Variants in MAD1L1 observed in about 807,000 individuals in gnomAD.
MAD1L1 encodes mitotic arrest deficient 1 like 1, also known as mitotic spindle assembly checkpoint protein MAD1.
A neutral mutation model predicts 96.9 loss-of-function variants in MAD1L1; 95 were observed. That is an observed-to-expected ratio of 0.98 (90% CI 0.83 to 1.16). The LOEUF (loss-of-function observed/expected upper bound fraction) is 1.16, where lower values mean the gene tolerates loss of function less well. Among genes scored for constraint, MAD1L1 ranks in the 50% most tolerant of loss-of-function variants. The pLI is 0.00. For synonymous variants in MAD1L1, 473 were observed against 396.6 expected, an observed-to-expected ratio of 1.19 and a Z score of -2.29; for missense variants, 1,007 against 954.4, an observed-to-expected ratio of 1.06 and a Z score of -0.73.
intron 17 of MAD1L1, among the ~76,000 whole-genome samples, chr7:1,905,926 T>G (rs964466685): frequency 6.6e-6 from 1 of 151,914 alleles, no homozygotes; most frequent in Non-Finnish European, 1.5e-5. Flanking sequence ...GGCGCACATC[T>G]GTAATCCCAG....
At chr7:2,060,171 G>A (rs923849928) in intron 12 of MAD1L1, among the ~76,000 whole-genome samples, 5 of 145,464 alleles carry the variant, frequency 3.4e-5, no homozygotes, top group African/African-American at 5.4e-5. Context: ...GCCGAGATAC[G>A]CCGATGCCGA....
rs181738642 is a variant in MAD1L1 at position 2,091,703 on chromosome 7, G to A, written c.1074-22365C>T. 4.0e-5 allele frequency among the ~76,000 whole-genome samples: 6 copies of A among 151,888 alleles called. No individual in the cohort carries two copies. In the East Asian group the frequency reaches 9.7e-4, roughly 25 times the overall value. ...AGGCAGAAGAATGGCGTGAACCCAG[G>A]AGGCGGAGCTTGCAGTGAGCAGAGA... On this transcript the variant is annotated intron_variant, in intron 11 of 18. Transcript: ENST00000265854.
chr7:1,822,063 G>A (rs561727373), intron 18 of MAD1L1, among the ~76,000 whole-genome samples: 3 of 152,260 alleles, frequency 2.0e-5, no homozygotes, highest in South Asian at 2.1e-4. Flanking sequence ...GACGGCCCAC[G>A]TGGAAAATCC....
chr7:1,973,874 C>A (rs1780513554), intron 15 of MAD1L1, among the ~76,000 whole-genome samples: 1 of 152,212 alleles, frequency 6.6e-6, no homozygotes, highest in Non-Finnish European at 1.5e-5. Context: ...ACCAAGGTCC[C>A]TGCCATCAGC....
chr7:1,877,508 C>T (rs138324521), intron 18 of MAD1L1, among the ~76,000 whole-genome samples: 22,504 of 150,786 alleles, frequency 0.15, 2,118 homozygotes, highest in South Asian at 0.28. Flanking sequence ...AAAGAATATA[C>T]GAGACAAAAA....
intron 10 of MAD1L1, among the ~76,000 whole-genome samples, chr7:2,165,766 G>A (rs1435492014): frequency 6.6e-6 from 1 of 152,186 alleles, no homozygotes; most frequent in Admixed American, 6.5e-5. Flanking sequence ...TGACGGGCAA[G>A]GTGGCTGGAG....
intron 10 of MAD1L1, among the ~76,000 whole-genome samples, chr7:2,168,020 C>A (rs1790521257): frequency 6.6e-6 from 1 of 151,532 alleles, no homozygotes; most frequent in African/African-American, 2.4e-5. Flanking sequence ...CATGGTGGCT[C>A]ACGCCTGTAA....
intron 17 of MAD1L1, among the ~76,000 whole-genome samples, chr7:1,914,795 T>TTATTA (rs1460229378): frequency 2.9e-4 from 11 of 37,954 alleles, no homozygotes; most frequent in South Asian, 8.6e-4. Flanking sequence ...TATTATTATT[T>TTATTA]TTATAAATAG....
intron 10 of MAD1L1, among the ~76,000 whole-genome samples, chr7:2,178,695 G>A (rs959755137): frequency 6.6e-6 from 1 of 152,148 alleles, no homozygotes; most frequent in African/African-American, 2.4e-5. Context: ...TCAGAAGTTC[G>A]AGACAAGCCT....
At chr7:1,910,268 C>T (rs938899162) in intron 17 of MAD1L1, among the ~76,000 whole-genome samples, 1 of 152,176 alleles carries the variant, frequency 6.6e-6, no homozygotes, top group African/African-American at 2.4e-5. Flanking sequence ...GGGACATTGG[C>T]CCCCGTGTCA....
intron 8 of MAD1L1, 62 bp downstream of exon 8, chr7:2,216,095 G>A (rs1432599270): frequency 6.8e-6 from 11 of 1,607,494 alleles, no homozygotes; most frequent in Admixed American, 5.0e-5. Context: ...TGCACAGTGG[G>A]CTCCATGTGC....
At chr7:2,212,231 A>C (rs1352913254) in intron 10 of MAD1L1, among the ~76,000 whole-genome samples, 1 of 152,216 alleles carries the variant, frequency 6.6e-6, no homozygotes, top group East Asian at 1.9e-4. Flanking sequence ...CTACCTGTCT[A>C]TAAGAATACC....
chr7:1,946,408 G>A (rs1026853992), intron 16 of MAD1L1, among the ~76,000 whole-genome samples: 8 of 152,234 alleles, frequency 5.3e-5, no homozygotes, highest in South Asian at 4.1e-4. Flanking sequence ...TGCTGGAATC[G>A]GCTGTTAGCT....
At chr7:1,854,305 G>C in intron 18 of MAD1L1, 2 of 448,082 alleles carry the variant, frequency 4.5e-6, no homozygotes, top group Non-Finnish European at 9.0e-6. Context: ...CCCCAGCAGC[G>C]AGCGGACGTC....
intron 14 of MAD1L1, among the ~76,000 whole-genome samples, chr7:1,983,972 A>G (rs1242229033): frequency 2.0e-5 from 3 of 152,164 alleles, no homozygotes; most frequent in African/African-American, 7.2e-5. Context: ...TTGTTTCACT[A>G]AGGTTTACTT....
intron 18 of MAD1L1, among the ~76,000 whole-genome samples, chr7:1,840,666 T>TTGCA (rs1181081122): frequency 2.6e-5 from 4 of 152,208 alleles, no homozygotes; most frequent in African/African-American, 9.6e-5. Context: ...GAGGCAGAGG[T>TTGCA]TGCAGTGAGC....
At chr7:2,076,255 A>G (rs1785368833) in intron 11 of MAD1L1, among the ~76,000 whole-genome samples, 1 of 152,238 alleles carries the variant, frequency 6.6e-6, no homozygotes, top group African/African-American at 2.4e-5. Flanking sequence ...GTGAAAACCC[A>G]GATCCCCAAT....
At chr7:1,982,620 A>G (rs1780957027) in intron 14 of MAD1L1, among the ~76,000 whole-genome samples, 1 of 152,208 alleles carries the variant, frequency 6.6e-6, no homozygotes, top group African/African-American at 2.4e-5. Flanking sequence ...TTCTCTTGGC[A>G]CATAATCTTA....
chr7:2,132,502 C>T (rs372043943), intron 11 of MAD1L1, among the ~76,000 whole-genome samples: 13 of 152,100 alleles, frequency 8.5e-5, no homozygotes, highest in African/African-American at 1.2e-4. Flanking sequence ...CCATCACGGC[C>T]GCGTGAAGAG....
Sources: gnomAD v4.1 joint callset for allele counts (sites outside exome capture counted in the v4.1 genomes callset) on GRCh38, gnomAD v4.1.1 for gene constraint, MANE v1.5 for transcripts, NCBI Gene and HGNC (gene_info 2026-07-23, HGNC 2026-07-21) for gene names.